RPS6KC1: variants seen among roughly 807,000 people sequenced by gnomAD.
The protein encoded by RPS6KC1 is ribosomal protein S6 kinase C1.
In RPS6KC1, 54 loss-of-function variants were observed where a neutral mutation model predicts 103.8. That is an observed-to-expected ratio of 0.52 (90% CI 0.42 to 0.65). The LOEUF (loss-of-function observed/expected upper bound fraction) is 0.65, where lower values mean the gene tolerates loss of function less well. RPS6KC1 is among the 30% of genes least tolerant of loss of function. The probability of loss-of-function intolerance (pLI) is 0.00; values close to 1 mark genes in which losing one functional copy is unlikely to be tolerated. For synonymous variants in RPS6KC1, 439 were observed against 438.7 expected (o/e 1.00, Z -0.01); for missense variants, 1,151 against 1,253.8 (o/e 0.92, Z 1.24).
At chr1:213,779,665 C>G in the RPS6KC1 span, among the ~76,000 whole-genome samples, 3 of 152,154 alleles carry the variant, frequency 2.0e-5, no homozygotes, top group African/African-American at 7.2e-5. Flanking sequence ...CAATGTGGAT[C>G]TGAATGCGGA....
chr1:213,195,314 T>A (rs1464241988), intron 8 of RPS6KC1, among the ~76,000 whole-genome samples: 1 of 152,220 alleles, frequency 6.6e-6, no homozygotes, highest in East Asian at 1.9e-4. Context: ...AATAGTATAC[T>A]GTAGATACAT....
chr1:213,177,346 A>G (rs892924683), intron 8 of RPS6KC1, among the ~76,000 whole-genome samples: 2 of 152,334 alleles, frequency 1.3e-5, no homozygotes, highest in African/African-American at 2.4e-5. Context: ...GTTAATTTAG[A>G]TATTTTTTCA....
chr1:213,212,786 A>G (rs1424745198), intron 8 of RPS6KC1, among the ~76,000 whole-genome samples: 1 of 152,182 alleles, frequency 6.6e-6, no homozygotes, highest in Non-Finnish European at 1.5e-5. Context: ...TCTAGTAGGT[A>G]TGTAGTGATA....
chr1:213,827,444 T>C, the RPS6KC1 span, among the ~76,000 whole-genome samples: 1 of 152,114 alleles, frequency 6.6e-6, no homozygotes, highest in Non-Finnish European at 1.5e-5. Context: ...GGGCTGTGAG[T>C]CAGCCACATA....
chr1:213,096,537 C>T (rs773753943), intron 3 of RPS6KC1, among the ~76,000 whole-genome samples: 3 of 151,978 alleles, frequency 2.0e-5, no homozygotes, highest in Admixed American at 6.6e-5. Flanking sequence ...TGGTGGTATA[C>T]GCCTATAATT....
At chr1:213,720,068 A>G in the RPS6KC1 span, among the ~76,000 whole-genome samples, 3 of 152,222 alleles carry the variant, frequency 2.0e-5, no homozygotes, top group Non-Finnish European at 4.4e-5. Context: ...ATAGATCAAA[A>G]AAGAAATACA....
At chr1:213,363,674 CTTTCTT>C in the RPS6KC1 span, among the ~76,000 whole-genome samples, 10 of 103,316 alleles carry the variant, frequency 9.7e-5, no homozygotes, top group South Asian at 1.4e-3. Flanking sequence ...TTCTTTCTTT[CTTTCTT>C]TCTTTCTTTC....
intron 8 of RPS6KC1, among the ~76,000 whole-genome samples, chr1:213,185,629 G>C (rs2092488357): frequency 6.6e-6 from 1 of 151,852 alleles, no homozygotes; most frequent in Non-Finnish European, 1.5e-5. Flanking sequence ...TCCAGCCTGG[G>C]TGACAGAGCA....
chr1:213,157,758 C>G (rs59937164), intron 6 of RPS6KC1, among the ~76,000 whole-genome samples: 1 of 152,166 alleles, frequency 6.6e-6, no homozygotes, highest in East Asian at 1.9e-4. Context: ...TCTCTTTGTT[C>G]TAGCGATTAT....
At chr1:213,180,225 T>C (rs1256978527) in intron 8 of RPS6KC1, among the ~76,000 whole-genome samples, 1 of 152,120 alleles carries the variant, frequency 6.6e-6, no homozygotes, top group Non-Finnish European at 1.5e-5. Flanking sequence ...CTGTATAATG[T>C]TTTCTCTAAT....
chr1:213,655,528 C>T, the RPS6KC1 span, among the ~76,000 whole-genome samples: 2 of 152,194 alleles, frequency 1.3e-5, no homozygotes, highest in Non-Finnish European at 2.9e-5. Context: ...TATTCTAAAA[C>T]ACGCTAGATT....
At chr1:213,830,681 A>C in the RPS6KC1 span, among the ~76,000 whole-genome samples, 1 of 152,058 alleles carries the variant, frequency 6.6e-6, no homozygotes, top group Non-Finnish European at 1.5e-5. Context: ...TTAAAAAAAA[A>C]AAAAAAAAAA....
chr1:213,370,247 T>A, the RPS6KC1 span, among the ~76,000 whole-genome samples: 1 of 134,676 alleles, frequency 7.4e-6, no homozygotes, highest in East Asian at 2.0e-4. Flanking sequence ...TATTTTATTT[T>A]ATTTATTTTA....
intron 3 of RPS6KC1, among the ~76,000 whole-genome samples, chr1:213,091,425 T>C (rs1572464146): frequency 1.3e-5 from 2 of 152,178 alleles, no homozygotes; most frequent in East Asian, 3.8e-4. Flanking sequence ...CAAAACTTGA[T>C]GTGTGGTAAT....
the RPS6KC1 span, among the ~76,000 whole-genome samples, chr1:213,837,682 C>CGT: frequency 6.6e-5 from 10 of 151,494 alleles, no homozygotes; most frequent in East Asian, 7.8e-4. Flanking sequence ...TGTGTGTGTG[C>CGT]GTGTGTGTGT....
the RPS6KC1 span, among the ~76,000 whole-genome samples, chr1:213,721,403 T>C: frequency 6.6e-5 from 10 of 152,182 alleles, no homozygotes; most frequent in Non-Finnish European, 1.2e-4. Context: ...AGTGAATAAA[T>C]CTCACAGAAT....
the RPS6KC1 span, among the ~76,000 whole-genome samples, chr1:213,594,558 C>T: frequency 1.3e-5 from 2 of 152,156 alleles, no homozygotes; most frequent in Admixed American, 1.3e-4. Context: ...GACTTTTAAT[C>T]AAGGCCCTCA....
intron 6 of RPS6KC1, among the ~76,000 whole-genome samples, chr1:213,132,893 C>T (rs902519526): frequency 2.6e-5 from 4 of 152,076 alleles, no homozygotes; most frequent in Non-Finnish European, 5.9e-5. Context: ...AACTATTCAT[C>T]CTAAAGAAGT....
chr1:213,140,317 A>T (rs2086862557), intron 6 of RPS6KC1, among the ~76,000 whole-genome samples: 1 of 151,932 alleles, frequency 6.6e-6, no homozygotes, highest in South Asian at 2.1e-4. Context: ...TCTTATTTGG[A>T]TGCTTTTTAT....
Sources: gnomAD v4.1 joint callset for allele counts (sites outside exome capture counted in the v4.1 genomes callset) on GRCh38, gnomAD v4.1.1 for gene constraint, MANE v1.5 for transcripts, NCBI Gene and HGNC (gene_info 2026-07-23, HGNC 2026-07-21) for gene names.